ANKRD30BL: variants seen among roughly 807,000 people sequenced by gnomAD.
ANKRD30BL encodes ankyrin repeat domain 30B like.
A neutral mutation model predicts 18.4 loss-of-function variants in ANKRD30BL; 20 were observed. The ratio of observed to expected loss-of-function variants is 1.09; its 90% CI spans 0.77 to 1.58. The LOEUF (loss-of-function observed/expected upper bound fraction) is 1.58, where lower values mean the gene tolerates loss of function less well. Among genes scored for constraint, ANKRD30BL ranks in the 40% most tolerant of loss-of-function variants. The pLI is 0.00. For missense variants in ANKRD30BL, 224 were observed against 268.6 expected (o/e 0.83, Z 1.16); for synonymous variants, 72 against 100.9 (o/e 0.71, Z 1.72).
At chr2:132,221,508 C>T (rs1679681775) in intron 1 of ANKRD30BL, among the ~76,000 whole-genome samples, 2 of 128,966 alleles carry the variant, frequency 1.6e-5, no homozygotes, top group East Asian at 2.4e-4. Flanking sequence ...GTGAGGAGCC[C>T]CTCTGCCTGG....
chr2:132,241,706 G>A lies in ANKRD30BL; in HGVS notation n.441+15823C>T, dbSNP rs546882407. On this transcript the variant is annotated intron_variant and non_coding_transcript_variant, in intron 1 of 4. Transcript: ENST00000470729. ...AGCTTCACACAAAAACTTCACAGAA[G>A]CATTCTGAGAAACTTCTTTCTGATG... is the stretch of plus-strand genomic sequence containing the variant. Among the ~76,000 whole-genome samples the A allele has an allele frequency of 4.0e-5, 6 of 151,704 alleles. No homozygotes were observed. The South Asian group carries it at 6.2e-4, about 16-fold the overall frequency.
chr2:132,198,268 T>TTTTCTTTCTTTC (rs1372612115), intron 1 of ANKRD30BL, among the ~76,000 whole-genome samples: 18 of 109,800 alleles, frequency 1.6e-4, no homozygotes, highest in African/African-American at 4.4e-4. Context: ...TCTTTCTTTC[T>TTTTCTTTCTTTC]TTTCTTTCTT....
Position 132,157,407 on chromosome 2 carries a change from C to T in ANKRD30BL, c.235G>A (p.Ala79Thr). The change falls in exon 2 of 6, where the codon GCC (alanine) becomes ACC (threonine). Residue 79 changes from alanine to threonine, a missense_variant. Ala to Thr is a moderately conservative substitution (Grantham distance 58, BLOSUM62 0). This residue lies in a region of ANKRD30BL where 131 missense variants were observed against 128.8 expected (regional missense o/e 1.02). Transcript: ENST00000409867. ...DAKKRTALYW[A>T]CANGHAEVVT... ...ACTTCTGCATGGCCATTGGCACAGG[C>T]CCAGTATAGAGCAGTCCTACAAGAA... 2.7e-6 allele frequency: 2 copies of T among 743,602 alleles called. No homozygotes were observed. The highest frequency in any genetic ancestry group is 1.5e-5 in the South Asian group (1 of 68,522). 46.1% of individuals were successfully genotyped at this position (743,602 alleles called of 1,614,324 possible). A position where few individuals can be genotyped will look rare whatever the true frequency, so the allele number is the denominator to read the frequency against.
intron 1 of ANKRD30BL, among the ~76,000 whole-genome samples, chr2:132,250,543 C>A (rs570526625): frequency 6.6e-6 from 1 of 152,098 alleles, no homozygotes; most frequent in African/African-American, 2.4e-5. Context: ...TATTTGGGGA[C>A]CTCGGAGATG....
chr2:132,246,427 A>T (rs1680501947), intron 1 of ANKRD30BL, among the ~76,000 whole-genome samples: 1 of 151,202 alleles, frequency 6.6e-6, no homozygotes, highest in East Asian at 1.9e-4. Flanking sequence ...ACAAGTGGAT[A>T]TTGGACACCA....
At chr2:132,188,645 G>C (rs1321559388) in intron 1 of ANKRD30BL, among the ~76,000 whole-genome samples, 2 of 152,156 alleles carry the variant, frequency 1.3e-5, no homozygotes, top group Non-Finnish European at 2.9e-5. Context: ...GGGAGGTGGA[G>C]CTTGTAGTGA....
At chr2:132,222,864 A>G (rs1023904915) in intron 1 of ANKRD30BL, among the ~76,000 whole-genome samples, 4 of 144,500 alleles carry the variant, frequency 2.8e-5, no homozygotes, top group South Asian at 4.2e-4. Flanking sequence ...AAAAAAAAAA[A>G]GAAACACTGT....
At chr2:132,256,318 G>C (rs1265325067) in intron 1 of ANKRD30BL, among the ~76,000 whole-genome samples, 1 of 147,698 alleles carries the variant, frequency 6.8e-6, no homozygotes, top group Non-Finnish European at 1.5e-5. Context: ...GGTGGGAGGG[G>C]GGTGGTGGGG....
chr2:132,220,174 T>G lies in ANKRD30BL; in HGVS notation n.441+37355A>C, dbSNP rs74646997. ...CGTTGGAAATGGGAATATCCTTATATAAAAATTAGGTAGAAGCATTCTCAG... is the reference window on the plus strand; with the variant it reads ...CGTTGGAAATGGGAATATCCTTATAGAAAAATTAGGTAGAAGCATTCTCAG... On this transcript the variant is annotated intron_variant and non_coding_transcript_variant, in intron 1 of 4. Coordinates refer to the ANKRD30BL transcript ENST00000470729. Among the ~76,000 whole-genome samples, 483 of 152,270 alleles carry G rather than the reference T, an allele frequency of 3.2e-3. 1 individual carries two copies. Among genetic ancestry groups the G allele is most frequent in the African/African-American group, 0.011 (453 of 41,572 alleles).
intron 1 of ANKRD30BL, among the ~76,000 whole-genome samples, chr2:132,226,435 G>T (rs369352787): frequency 2.7e-5 from 4 of 150,798 alleles, no homozygotes; most frequent in South Asian, 2.1e-4. Context: ...ACTTCCTTTT[G>T]ATTGAGCAGT....
chr2:132,185,327 G>A (rs192906758), intron 1 of ANKRD30BL, among the ~76,000 whole-genome samples: 1 of 152,196 alleles, frequency 6.6e-6, no homozygotes, highest in African/African-American at 2.4e-5. Context: ...GAAGAAGGCA[G>A]TCCCTACCTG....
chr2:132,199,321 C>T (rs1201805508), intron 1 of ANKRD30BL, among the ~76,000 whole-genome samples: 1 of 152,086 alleles, frequency 6.6e-6, no homozygotes, highest in Non-Finnish European at 1.5e-5. Flanking sequence ...GGATGCGCCA[C>T]TGCACTGCAG....
rs1284703035 is a variant in ANKRD30BL at position 132,221,720 on chromosome 2, C to T, written n.441+35809G>A. On this transcript the variant is annotated intron_variant and non_coding_transcript_variant, in intron 1 of 4. Transcript: ENST00000470729. ...GGGATCAGCCCCCTGCCTGGCCAGC[C>T]GCCCCGTCCGGGAGGTGAGGGGCGC... 8.1e-5 allele frequency among the ~76,000 whole-genome samples: 9 copies of T among 111,722 alleles called. 1 individual carries two copies. Among genetic ancestry groups the T allele is most frequent in the African/African-American group, 2.4e-4 (5 of 20,630 alleles). The allele number at this position is 111,722 out of a possible 152,430, so 73.3% of individuals were successfully genotyped here. A position where few individuals can be genotyped will look rare whatever the true frequency, so the allele number is the denominator to read the frequency against.
intron 1 of ANKRD30BL, among the ~76,000 whole-genome samples, chr2:132,252,021 C>T (rs1573897324): frequency 6.6e-6 from 1 of 152,176 alleles, no homozygotes; most frequent in African/African-American, 2.4e-5. Flanking sequence ...ACAAAATGAC[C>T]TTGTTCCAGG....
intron 1 of ANKRD30BL, among the ~76,000 whole-genome samples, chr2:132,159,078 C>T (rs576635554): frequency 6.6e-6 from 1 of 151,808 alleles, no homozygotes; most frequent in Non-Finnish European, 1.5e-5. Flanking sequence ...ATATTAAACA[C>T]CCTCAAATAA....
chr2:132,211,033 A>G (rs1418363901), intron 1 of ANKRD30BL, among the ~76,000 whole-genome samples: 1 of 146,270 alleles, frequency 6.8e-6, no homozygotes, highest in Non-Finnish European at 1.5e-5. Context: ...TTGACAGCCT[A>G]TGGTGGAAAA....
At chr2:132,246,798 A>C (rs1444534549) in intron 1 of ANKRD30BL, among the ~76,000 whole-genome samples, 3 of 151,874 alleles carry the variant, frequency 2.0e-5, no homozygotes, top group Admixed American at 2.0e-4. Context: ...ATGGTGAAAA[A>C]GGAAATATCT....
intron 1 of ANKRD30BL, among the ~76,000 whole-genome samples, chr2:132,239,435 C>T (rs927205563): frequency 4.6e-5 from 7 of 151,512 alleles, no homozygotes; most frequent in African/African-American, 1.5e-4. Flanking sequence ...AATCTTGAAT[C>T]GCTTTGAGGT....
intron 1 of ANKRD30BL, among the ~76,000 whole-genome samples, chr2:132,230,176 T>A (rs1679968992): frequency 1.3e-5 from 2 of 152,138 alleles, no homozygotes; most frequent in Non-Finnish European, 2.9e-5. Flanking sequence ...AACTTCTTTG[T>A]GATGTTTGTC....
Sources: gnomAD v4.1 joint callset for allele counts (sites outside exome capture counted in the v4.1 genomes callset) on GRCh38, gnomAD v4.1.1 for gene constraint, gnomAD v4.1.1 regional missense constraint, MANE v1.5 for transcripts, NCBI Gene and HGNC (gene_info 2026-07-23, HGNC 2026-07-21) for gene names.